The following MTHFD1L variants were observed in gnomAD, a reference collection of about 807,000 sequenced individuals.
MTHFD1L encodes the protein methylenetetrahydrofolate dehydrogenase (NADP+ dependent) 1 like, also known as monofunctional C1-tetrahydrofolate synthase, mitochondrial.
Under a neutral mutation model 119.5 loss-of-function variants are expected in MTHFD1L, and 81 were observed. The observed-to-expected ratio is 0.68, with a 90% CI of 0.57 to 0.82. MTHFD1L has a LOEUF of 0.82. Ranked by LOEUF, MTHFD1L falls within the 40% of genes least tolerant of loss-of-function variation. The pLI, the probability that MTHFD1L is intolerant of heterozygous loss-of-function variation, is 0.00. For synonymous variants in MTHFD1L, 430 were observed against 475.2 expected (o/e 0.90, Z 1.24); for missense variants, 1,125 against 1,253.4 (o/e 0.90, Z 1.55).
chr6:151,076,389 G>C (rs1329236707), intron 26 of MTHFD1L, among the ~76,000 whole-genome samples: 9 of 152,044 alleles, frequency 5.9e-5, no homozygotes, highest in Admixed American at 5.9e-4. Flanking sequence ...GTGGCTCACA[G>C]CTGTAATTGC....
intron 5 of MTHFD1L, among the ~76,000 whole-genome samples, chr6:150,884,096 A>G (rs895473309): frequency 6.6e-6 from 1 of 151,576 alleles, no homozygotes; most frequent in African/African-American, 2.4e-5. Flanking sequence ...TCTTGATCTC[A>G]GGAGGTCAAG....
chr6:151,088,594 C>T (rs937598938), intron 26 of MTHFD1L, among the ~76,000 whole-genome samples: 17 of 151,294 alleles, frequency 1.1e-4, no homozygotes, highest in Non-Finnish European at 2.4e-4. Flanking sequence ...GTAGCTAAAA[C>T]GACGGGTGCT....
At chr6:151,052,312 G>T (rs1376525612) in intron 26 of MTHFD1L, among the ~76,000 whole-genome samples, 1 of 152,166 alleles carries the variant, frequency 6.6e-6, no homozygotes, top group African/African-American at 2.4e-5. Context: ...TTTCCATCCA[G>T]TTCAAAACAT....
At position 151,023,983 on chromosome 6, in the gene MTHFD1L, T is replaced by C. The variant is rs1125949; in HGVS notation, c.2586+8290T>C. On this transcript the variant is annotated intron_variant, in intron 24 of 27. Coordinates refer to ENST00000367321, the MANE Select transcript of MTHFD1L (RefSeq NM_015440.5). ...TTAAATATGATCACAGGAACAAACA[T>C]TAAAGGTACCACACGTAATGGACCA... Among the ~76,000 whole-genome samples the C allele has an allele frequency of 5.9e-3, 900 of 152,000 alleles. 14 individuals carry two copies. The highest frequency in any genetic ancestry group is 0.02 in the African/African-American group (828 of 41,436).
rs1254981530 is a variant in MTHFD1L at position 150,923,537 on chromosome 6, A to ATTTATTTATTTATTTTT, written c.1082+1238_1082+1239insATTTATTTATTTTTTTT. 3.9e-3 allele frequency among the ~76,000 whole-genome samples: 372 copies of ATTTATTTATTTATTTTT among 95,208 alleles called. 5 individuals are homozygous for ATTTATTTATTTATTTTT. Among genetic ancestry groups the ATTTATTTATTTATTTTT allele is most frequent in the African/African-American group, 0.018 (354 of 19,772 alleles). The allele number at this position is 95,208 out of a possible 152,430, so 62.5% of individuals were successfully genotyped here. A position where few individuals can be genotyped will look rare whatever the true frequency, so the allele number is the denominator to read the frequency against. On this transcript the variant is annotated intron_variant, in intron 10 of 27. Coordinates refer to ENST00000367321, the MANE Select transcript of MTHFD1L (RefSeq NM_015440.5). ...TATTTATTTATTTATTTATTTATTT[A>ATTTATTTATTTATTTTT]TTTTTTCTTTTTTTTTTTTTTTTTT...
Position 151,039,753 on chromosome 6 carries a change from A to G in MTHFD1L, c.2847+2636A>G, listed in dbSNP as rs1471748778. On this transcript the variant is annotated intron_variant, in intron 26 of 27. Coordinates refer to ENST00000367321, the MANE Select transcript of MTHFD1L (RefSeq NM_015440.5). The surrounding 1 kb of genome is among the most constrained non-coding windows in gnomAD (Gnocchi z 4.4). ...AAAATGGTGAAACCCCATCACTACT[A>G]AAAATACAAAAATTTGCCGGGCGGG... 1.3e-5 allele frequency among the ~76,000 whole-genome samples: 2 copies of G among 152,060 alleles called. No individual in the cohort carries two copies. Among genetic ancestry groups the G allele is most frequent in the South Asian group, 2.1e-4 (1 of 4,814 alleles).
At chr6:150,955,974 G>A (rs781284222) in intron 16 of MTHFD1L, 21 bp from the exon 17 acceptor site, 22 of 1,602,824 alleles carry the variant, frequency 1.4e-5, no homozygotes, top group Non-Finnish European at 5.1e-6. Context: ...TCGACTGAAT[G>A]ACTAATCTGT....
chr6:150,975,158 ATG>A (rs1776379635), intron 20 of MTHFD1L, among the ~76,000 whole-genome samples: 5 of 152,222 alleles, frequency 3.3e-5, no homozygotes. Context: ...CTTATGAATA[ATG>A]CTGCTATGAA....
intron 20 of MTHFD1L, among the ~76,000 whole-genome samples, chr6:150,997,360 C>T (rs960451795): frequency 8.0e-5 from 12 of 150,426 alleles, no homozygotes; most frequent in African/African-American, 2.9e-4. Flanking sequence ...ATTCTTCTTA[C>T]TTCATTTGTT....
At chr6:151,081,498 CAAA>C (rs56795003) in intron 26 of MTHFD1L, among the ~76,000 whole-genome samples, 3 of 98,162 alleles carry the variant, frequency 3.1e-5, no homozygotes, top group African/African-American at 1.4e-4. Flanking sequence ...ACTAAAAATG[CAAA>C]AAAAAAAAAA....
intron 19 of MTHFD1L, among the ~76,000 whole-genome samples, chr6:150,965,337 G>C (rs1321309682): frequency 6.6e-6 from 1 of 152,188 alleles, no homozygotes; most frequent in East Asian, 1.9e-4. Flanking sequence ...TCATGTCTTG[G>C]CTTAATTGAC....
At chr6:150,942,148 C>G (rs12194637) in intron 13 of MTHFD1L, among the ~76,000 whole-genome samples, 1 of 151,748 alleles carries the variant, frequency 6.6e-6, no homozygotes, top group African/African-American at 2.4e-5. Context: ...AATCCCAGCT[C>G]CTTGGGAGGC....
intron 26 of MTHFD1L, among the ~76,000 whole-genome samples, chr6:151,075,017 A>G (rs1305121278): frequency 1.3e-5 from 2 of 152,214 alleles, no homozygotes; most frequent in Non-Finnish European, 2.9e-5. Flanking sequence ...AACAAAGTTA[A>G]TATATAGTTA....
At chr6:151,052,905 A>G (rs1789282897) in intron 26 of MTHFD1L, among the ~76,000 whole-genome samples, 1 of 152,204 alleles carries the variant, frequency 6.6e-6, no homozygotes, top group African/African-American at 2.4e-5. Context: ...TAAGTGTCAG[A>G]AGAGGTAGCT....
intron 26 of MTHFD1L, among the ~76,000 whole-genome samples, chr6:151,077,594 T>C (rs1049703726): frequency 6.6e-6 from 1 of 152,118 alleles, no homozygotes; most frequent in African/African-American, 2.4e-5. Flanking sequence ...GGCATGAGAA[T>C]TGCTTGAACT....
chr6:151,073,106 A>G (rs1031027675), intron 26 of MTHFD1L, among the ~76,000 whole-genome samples: 19 of 152,176 alleles, frequency 1.2e-4, no homozygotes, highest in African/African-American at 2.9e-4. Context: ...AAAGAGCTCA[A>G]CTGTCTCCCT....
intron 26 of MTHFD1L, among the ~76,000 whole-genome samples, chr6:151,063,694 A>T (rs188621051): frequency 4.0e-4 from 61 of 152,336 alleles, no homozygotes; most frequent in African/African-American, 1.4e-3. Context: ...GAAGCCTTCC[A>T]TCTGATACTG....
Position 151,014,868 on chromosome 6 carries a change from T to C in MTHFD1L, c.2308-12T>C. 2 of 1,613,104 alleles carry C rather than the reference T, an allele frequency of 1.2e-6. No individual in the cohort carries two copies. The highest frequency in any genetic ancestry group is 1.1e-5 in the South Asian group (1 of 90,906). ...CACAGGGGTCTGGGTTTTGCTTTTT[T>C]CTTTTTTACAGAACATCCAGCTGGT... On this transcript the variant is annotated splice_polypyrimidine_tract_variant and intron_variant, in intron 22 of 27. Transcript: ENST00000367321.
At position 150,987,459 on chromosome 6, in the gene MTHFD1L, G is replaced by A. The variant is rs751847161; in HGVS notation, c.2125+15401G>A. Among the ~76,000 whole-genome samples, 170 of 152,332 alleles carry A rather than the reference G, an allele frequency of 1.1e-3. 2 individuals are homozygous for A. Among genetic ancestry groups the A allele is most frequent in the African/African-American group, 3.8e-3 (160 of 41,580 alleles). ...TTACCTCCTGTGAGGACCTGGCTAC[G>A]TGCTGAGCACCCTGCTTGGTGCTTT... On this transcript the variant is annotated intron_variant, in intron 20 of 27. Coordinates refer to ENST00000367321, the MANE Select transcript of MTHFD1L (RefSeq NM_015440.5).
Sources: allele counts gnomAD v4.1 joint callset (sites outside exome capture counted in the v4.1 genomes callset), GRCh38; gene constraint gnomAD v4.1.1; non-coding constraint Gnocchi (gnomAD v3.1); transcripts MANE v1.5; gene names NCBI Gene and HGNC (gene_info 2026-07-23, HGNC 2026-07-21).